The following PTPRE variants were observed in gnomAD, a reference collection of about 807,000 sequenced individuals.
PTPRE encodes the protein protein tyrosine phosphatase receptor type E.
In PTPRE, 51 loss-of-function variants were observed where a neutral mutation model predicts 102.0. The ratio of observed to expected loss-of-function variants is 0.50; its 90% CI spans 0.40 to 0.63. The LOEUF (loss-of-function observed/expected upper bound fraction) is 0.63, where lower values mean the gene tolerates loss of function less well. PTPRE is among the 30% of genes least tolerant of loss of function. The probability of loss-of-function intolerance (pLI) is 0.00; values close to 1 mark genes in which losing one functional copy is unlikely to be tolerated. For synonymous variants in PTPRE, 345 were observed against 348.2 expected (o/e 0.99, Z 0.10); for missense variants, 752 against 915.1 (o/e 0.82, Z 2.30).
intron 3 of PTPRE, 23 bp downstream of exon 3, chr10:128,041,013 G>C: frequency 1.2e-6 from 2 of 1,601,380 alleles, no homozygotes; most frequent in Non-Finnish European, 1.7e-6. Flanking sequence ...TTCCCTGGCT[G>C]CCTCCCCTAC....
intron 18 of PTPRE, 50 bp downstream of exon 18, chr10:128,076,778 C>T (rs1851240727): frequency 1.2e-6 from 2 of 1,604,014 alleles, no homozygotes; most frequent in East Asian, 2.2e-5. Flanking sequence ...TGAACCACGC[C>T]CTCCCTCTGG....
Position 128,041,130 on chromosome 10 carries a change from C to T in PTPRE, c.109+140C>T, listed in dbSNP as rs573686754. 4 of 743,026 alleles carry T rather than the reference C, an allele frequency of 5.4e-6. No individual in the cohort carries two copies. In the East Asian group the frequency reaches 1.1e-4, roughly 20 times the overall value. The allele number at this position is 743,026 out of a possible 1,614,324, so 46.0% of individuals were successfully genotyped here. A position where few individuals can be genotyped will look rare whatever the true frequency, so the allele number is the denominator to read the frequency against. Reference sequence around the variant, plus strand: ...TTAGTGTGCTTTTAATAGTTTGTGCCTCTAAAAACAGGCAGGCTAAATAAG... The same window carrying T: ...TTAGTGTGCTTTTAATAGTTTGTGCTTCTAAAAACAGGCAGGCTAAATAAG... On this transcript the variant is annotated intron_variant, in intron 3 of 20. Transcript: ENST00000254667.
At position 128,063,085 on chromosome 10, in the gene PTPRE, C is replaced by T; in HGVS notation, c.628C>T (p.Pro210Ser). Residue 210 changes from proline (P) to serine (S), a missense_variant and splice_region_variant, in exon 10 of 21, where the codon CCC (proline) becomes TCC (serine). Transcript: ENST00000254667. Reference sequence around the variant, plus strand: ...TCGAAATTGTCCTCTACACACAGGTCCCAAACAGGAAACGGTTAACGACTT... The same window carrying T: ...TCGAAATTGTCCTCTACACACAGGTTCCAAACAGGAAACGGTTAACGACTT... The part of the protein sequence containing the change: ...EKNKFIAAQG[P>S]KQETVNDFWR... 1 of 1,614,204 alleles carries T rather than the reference C, an allele frequency of 6.2e-7. No individual in the cohort carries two copies. The highest frequency in any genetic ancestry group is 8.5e-7 in the Non-Finnish European group (1 of 1,180,040).
At chr10:127,945,193 G>A (rs1848540575) in intron 1 of PTPRE, among the ~76,000 whole-genome samples, 1 of 152,234 alleles carries the variant, frequency 6.6e-6, no homozygotes, top group Non-Finnish European at 1.5e-5. Flanking sequence ...TTGGACTAAA[G>A]AGTGAATATG....
chr10:127,944,726 G>T lies in PTPRE; in HGVS notation c.-31+37417G>T, dbSNP rs1005434529. ...ATTTGAAAGATCTCTGTGGCTCCAC[G>T]TGGATAGCAGGCTGGTGTAGGTACA... On this transcript the variant is annotated intron_variant, in intron 1 of 20. Coordinates refer to ENST00000254667, the MANE Select transcript of PTPRE (RefSeq NM_006504.6). The surrounding 1 kb of genome is among the most constrained non-coding windows in gnomAD (Gnocchi z 4.2). Among the ~76,000 whole-genome samples, 1 of 152,204 alleles carries T rather than the reference G, an allele frequency of 6.6e-6. No individual in the cohort carries two copies. Among genetic ancestry groups the T allele is most frequent in the East Asian group, 1.9e-4 (1 of 5,204 alleles).
chr10:128,063,206 T>G, intron 10 of PTPRE, 26 bp downstream of exon 10: 1 of 1,612,866 alleles, frequency 6.2e-7, no homozygotes, highest in Non-Finnish European at 8.5e-7. Context: ...CTGGCCCCGG[T>G]ATCACTTCCT....
intron 2 of PTPRE, among the ~76,000 whole-genome samples, chr10:128,034,690 G>T (rs1004720093): frequency 1.2e-4 from 19 of 152,084 alleles, no homozygotes; most frequent in Non-Finnish European, 1.2e-4. Flanking sequence ...AACAAATGAG[G>T]TTATGAACAG....
chr10:127,947,600 G>A (rs1848717626), intron 1 of PTPRE, among the ~76,000 whole-genome samples: 2 of 152,152 alleles, frequency 1.3e-5, no homozygotes, highest in Admixed American at 1.3e-4. Flanking sequence ...AAAAAGATAT[G>A]CTCTTACATA....
intron 1 of PTPRE, among the ~76,000 whole-genome samples, chr10:127,941,121 T>C (rs73376115): frequency 0.081 from 12,394 of 152,204 alleles, 696 homozygotes; most frequent in East Asian, 0.15. Flanking sequence ...AGAAGAGCAG[T>C]GGAGTGAGTC....
At chr10:127,941,629 C>T (rs1564814235) in intron 1 of PTPRE, among the ~76,000 whole-genome samples, 1 of 152,220 alleles carries the variant, frequency 6.6e-6, no homozygotes, top group Non-Finnish European at 1.5e-5. Flanking sequence ...AAATAGGAGC[C>T]ATTTCCTAGC....
intron 2 of PTPRE, among the ~76,000 whole-genome samples, chr10:128,032,343 A>G (rs1160426812): frequency 6.6e-6 from 1 of 152,172 alleles, no homozygotes; most frequent in Non-Finnish European, 1.5e-5. Context: ...TGTTGAAATG[A>G]TACTTGCATT....
At chr10:127,984,482 G>C (rs938240564) in intron 2 of PTPRE, among the ~76,000 whole-genome samples, 1 of 152,166 alleles carries the variant, frequency 6.6e-6, no homozygotes, top group Non-Finnish European at 1.5e-5. Flanking sequence ...CTTGACACGA[G>C]GAAAGGGTAT....
intron 7 of PTPRE, among the ~76,000 whole-genome samples, chr10:128,056,536 C>T (rs1404185072): frequency 6.6e-6 from 1 of 152,170 alleles, no homozygotes; most frequent in Admixed American, 6.5e-5. Flanking sequence ...TCCTGTGGAA[C>T]TCAGGCCTGG....
In PTPRE at chr10:127,909,076, GA is replaced by G. The variant is rs1589705224; in HGVS notation, c.-31+1768del. On this transcript the variant is annotated intron_variant, in intron 1 of 20. Coordinates refer to ENST00000254667, the MANE Select transcript of PTPRE (RefSeq NM_006504.6). ...GAGGCCACCTCTCATTTCTGTGGGG[GA>G]CAGCTGGCAGAGAGAGATGCGCTCC... Among the ~76,000 whole-genome samples, 3 of 152,218 alleles carry G rather than the reference GA, an allele frequency of 2.0e-5. No individual in the cohort carries two copies. The East Asian group carries it at 5.8e-4, about 29-fold the overall frequency.
At chr10:127,987,625 T>G (rs1273335528) in intron 2 of PTPRE, among the ~76,000 whole-genome samples, 2 of 152,142 alleles carry the variant, frequency 1.3e-5, no homozygotes, top group African/African-American at 4.8e-5. Context: ...CAGTCGATAG[T>G]GCACTGGGGA....
intron 2 of PTPRE, among the ~76,000 whole-genome samples, chr10:128,001,443 T>A (rs1177375703): frequency 1.3e-5 from 2 of 152,218 alleles, no homozygotes; most frequent in African/African-American, 4.8e-5. Context: ...TGGGGGATTG[T>A]GGACATTTTG....
At chr10:128,012,652 G>A (rs898789629) in intron 2 of PTPRE, among the ~76,000 whole-genome samples, 3 of 152,186 alleles carry the variant, frequency 2.0e-5, no homozygotes, top group Non-Finnish European at 4.4e-5. Context: ...GTCCTTGGGA[G>A]CTTCACAAGA....
At chr10:128,033,248 A>G (rs1254639560) in intron 2 of PTPRE, among the ~76,000 whole-genome samples, 1 of 152,196 alleles carries the variant, frequency 6.6e-6, no homozygotes, top group Non-Finnish European at 1.5e-5. Flanking sequence ...CTCATCTTCA[A>G]TTCCAGGTTT....
intron 15 of PTPRE, 102 bp downstream of exon 15, chr10:128,071,003 G>A (rs777830111): frequency 5.0e-6 from 6 of 1,193,576 alleles, no homozygotes; most frequent in Admixed American, 2.1e-5. Flanking sequence ...GTGCACCAGG[G>A]TCAAAAGCAG....
Sources: allele counts gnomAD v4.1 joint callset (sites outside exome capture counted in the v4.1 genomes callset), GRCh38; gene constraint gnomAD v4.1.1; non-coding constraint Gnocchi (gnomAD v3.1); transcripts MANE v1.5; gene names NCBI Gene and HGNC (gene_info 2026-07-23, HGNC 2026-07-21).